Variants in HEATR5B observed in about 807,000 individuals in gnomAD.
HEATR5B encodes the protein HEAT repeat-containing protein 5B.
Under a neutral mutation model 224.1 loss-of-function variants are expected in HEATR5B, and 156 were observed. The ratio of observed to expected loss-of-function variants is 0.70; its 90% CI spans 0.61 to 0.80. The LOEUF (loss-of-function observed/expected upper bound fraction) is 0.80, where lower values mean the gene tolerates loss of function less well. HEATR5B is among the 30% of genes least tolerant of loss of function. HEATR5B has a pLI of 0.00. For synonymous variants in HEATR5B, 1,027 were observed against 893.0 expected (o/e 1.15, Z -2.68); for missense variants, 2,323 against 2,535.5 (o/e 0.92, Z 1.80).
chr2:37,056,965 G>C (rs1049405551), intron 15 of HEATR5B, among the ~76,000 whole-genome samples: 1 of 152,104 alleles, frequency 6.6e-6, no homozygotes, highest in African/African-American at 2.4e-5. Flanking sequence ...GTGGGCAAAA[G>C]TTCTAAATCT....
At chr2:37,014,829 T>C (rs1668014369) in intron 26 of HEATR5B, among the ~76,000 whole-genome samples, 1 of 151,384 alleles carries the variant, frequency 6.6e-6, no homozygotes, top group South Asian at 2.1e-4. Context: ...ATACAAAAAT[T>C]AGCTGGGCGT....
At chr2:37,062,101 T>C (rs751325436) in intron 10 of HEATR5B, 51 bp from the exon 11 acceptor site, 2 of 1,101,788 alleles carry the variant, frequency 1.8e-6, no homozygotes, top group East Asian at 4.7e-5. Flanking sequence ...TTAAATTAAA[T>C]AAGGAAACAG....
chr2:37,060,709 A>C lies in HEATR5B; in HGVS notation c.1721T>G (p.Leu574Arg). 6.2e-7 allele frequency: 1 copy of C among 1,613,662 alleles called. No individual in the cohort carries two copies. Among genetic ancestry groups the C allele is most frequent in the Non-Finnish European group, 8.5e-7 (1 of 1,179,722 alleles). ...TLGPSVVRYH[L>R]PKMLLLWRNV... Reference sequence around the variant, plus strand: ...TCGCCACAATAACAACATCTTGGGCAGATGGTAACGAACGACAGATGGTCC... The same window carrying C: ...TCGCCACAATAACAACATCTTGGGCCGATGGTAACGAACGACAGATGGTCC... The change falls in exon 12 of 36, where the codon CTG becomes CGG. Residue 574 changes from leucine to arginine, a missense_variant. Around this residue, in one of 12 missense-constraint regions of HEATR5B, gnomAD observed 502 missense variants for 517.8 expected, o/e 0.97. Coordinates refer to ENST00000233099, the MANE Select transcript of HEATR5B (RefSeq NM_019024.3).
At chr2:37,000,915 G>T in intron 32 of HEATR5B, 102 bp from the exon 33 acceptor site, 1 of 733,346 alleles carries the variant, frequency 1.4e-6, no homozygotes, top group Non-Finnish European at 2.2e-6. Flanking sequence ...GTTTAATATT[G>T]TTTTTTTCCT....
rs2148562902 is a variant in HEATR5B, at chr2:37,062,045, T to C, written c.1590A>G (p.Val530=). ...LGIPHAKGKM[V]VSIAEDLLRT... ...GTAAAAGATCTTCAGCAATACTAACTACCATCTGCAAGAAAAGTTTAGAAT... is the reference window on the plus strand; with the variant it reads ...GTAAAAGATCTTCAGCAATACTAACCACCATCTGCAAGAAAAGTTTAGAAT... Residue 530 remains valine (V), a synonymous_variant, in exon 11 of 36, where the codon GTA becomes GTG. Transcript: ENST00000233099. 2 of 1,586,034 alleles carry C rather than the reference T, an allele frequency of 1.3e-6. No individual in the cohort carries two copies. Among genetic ancestry groups the C allele is most frequent in the Non-Finnish European group, 1.7e-6 (2 of 1,154,848 alleles).
intron 18 of HEATR5B, 43 bp from the exon 19 acceptor site, chr2:37,041,335 C>A (rs1320136393): frequency 1.3e-6 from 2 of 1,583,738 alleles, no homozygotes; most frequent in Non-Finnish European, 1.7e-6. Context: ...TTGCTATTTC[C>A]CTATAAAAAC....
At position 37,064,908 on chromosome 2, in the gene HEATR5B, C is replaced by A; in HGVS notation, c.1416G>T (p.Val472=). 1 of 1,614,132 alleles carries A rather than the reference C, an allele frequency of 6.2e-7. No individual in the cohort carries two copies. The highest frequency in any genetic ancestry group is 8.5e-7 in the Non-Finnish European group (1 of 1,180,018). ...TCAGCTGGAAAGGTAATGCCACAGC[C>A]ACACAGCGCAAACACCATGCAGCAG... ...RLAAAWCLRC[V]AVALPFQLTP... The change falls in exon 10 of 36, where the codon GTG becomes GTT. Residue 472 remains valine, a synonymous_variant. Transcript: ENST00000233099.
At chr2:37,022,035 T>G (rs527903915) in intron 24 of HEATR5B, among the ~76,000 whole-genome samples, 5 of 152,190 alleles carry the variant, frequency 3.3e-5, no homozygotes, top group African/African-American at 1.2e-4. Flanking sequence ...AAACCCCCTT[T>G]GGAAAAAACA....
At chr2:37,072,356 T>A (rs75785387) in intron 5 of HEATR5B, 75 bp from the exon 6 acceptor site, 44,745 of 1,018,908 alleles carry the variant, frequency 0.044, 1,219 homozygotes, top group Non-Finnish European at 0.052. Flanking sequence ...AGAACCAGAC[T>A]TACCACCTCT....
At chr2:37,071,503 G>C (rs1001150194) in intron 6 of HEATR5B, among the ~76,000 whole-genome samples, 1 of 152,090 alleles carries the variant, frequency 6.6e-6, no homozygotes, top group Non-Finnish European at 1.5e-5. Flanking sequence ...ACAGAAAATA[G>C]CAAATAAAGT....
At chr2:37,007,815 G>A (rs1484493070) in intron 28 of HEATR5B, among the ~76,000 whole-genome samples, 2 of 152,150 alleles carry the variant, frequency 1.3e-5, no homozygotes, top group African/African-American at 4.8e-5. Flanking sequence ...TAGTTTTCCA[G>A]CCTTTCCTCT....
At chr2:37,053,290 G>C (rs1467939819) in intron 17 of HEATR5B, among the ~76,000 whole-genome samples, 1 of 152,118 alleles carries the variant, frequency 6.6e-6, no homozygotes, top group Non-Finnish European at 1.5e-5. Context: ...AGTTCAAATT[G>C]AAACATAAAC....
Position 37,032,621 on chromosome 2 carries a change from T to TA in HEATR5B, c.3361+7dup. 6.2e-7 allele frequency: 1 copy of TA among 1,604,876 alleles called. No individual in the cohort carries two copies. Among genetic ancestry groups the TA allele is most frequent in the Non-Finnish European group, 8.5e-7 (1 of 1,176,784 alleles). On this transcript the variant is annotated splice_region_variant and intron_variant, in intron 22 of 35. Transcript: ENST00000233099. Reference sequence around the variant, plus strand: ...CAAAAAACAATATTGACCAATAATATAACTTACTGGCACTACTGCTCTCTT... The same window carrying TA: ...CAAAAAACAATATTGACCAATAATATAAACTTACTGGCACTACTGCTCTCTT...
intron 18 of HEATR5B, among the ~76,000 whole-genome samples, chr2:37,048,843 G>A (rs1670360615): frequency 6.6e-6 from 1 of 152,104 alleles, no homozygotes; most frequent in Non-Finnish European, 1.5e-5. Context: ...GACAAGGAAA[G>A]CTATTTACAG....
At chr2:37,019,481 G>A (rs991119673) in intron 26 of HEATR5B, among the ~76,000 whole-genome samples, 12 of 148,772 alleles carry the variant, frequency 8.1e-5, no homozygotes, top group Non-Finnish European at 1.3e-4. Context: ...TTTTGAGACA[G>A]GGTCTCGCTC....
At chr2:37,016,402 C>T (rs996807531) in intron 26 of HEATR5B, among the ~76,000 whole-genome samples, 10 of 152,082 alleles carry the variant, frequency 6.6e-5, no homozygotes, top group South Asian at 2.1e-4. Flanking sequence ...CGAGCCACCG[C>T]GCCCGGCCAC....
intron 35 of HEATR5B, among the ~76,000 whole-genome samples, chr2:36,987,943 A>C (rs1292229511): frequency 6.6e-6 from 1 of 151,924 alleles, no homozygotes; most frequent in Non-Finnish European, 1.5e-5. Flanking sequence ...ATGGTGGCAC[A>C]TGCCTGTAGT....
chr2:36,986,730 G>A (rs1335363958), intron 35 of HEATR5B, among the ~76,000 whole-genome samples: 6 of 152,122 alleles, frequency 3.9e-5, no homozygotes, highest in East Asian at 3.9e-4. Context: ...CAATTCTCCC[G>A]TCCAGTCTCC....
chr2:37,043,073 A>G (rs1274564354), intron 18 of HEATR5B, among the ~76,000 whole-genome samples: 1 of 152,190 alleles, frequency 6.6e-6, no homozygotes, highest in Non-Finnish European at 1.5e-5. Flanking sequence ...TTCAGCTTAC[A>G]TAATTCTGAC....
Sources: allele counts gnomAD v4.1 joint callset (sites outside exome capture counted in the v4.1 genomes callset), GRCh38; gene constraint gnomAD v4.1.1; regional missense constraint gnomAD v4.1.1; transcripts MANE v1.5; gene names NCBI Gene and HGNC (gene_info 2026-07-23, HGNC 2026-07-21).